STAG1: variants seen among roughly 807,000 people sequenced by gnomAD.
STAG1 encodes STAG1 cohesin complex component.
Under a neutral mutation model 170.9 loss-of-function variants are expected in STAG1, and 26 were observed. The observed-to-expected ratio is 0.15, with a 90% confidence interval of 0.11 to 0.21. The LOEUF is 0.21. STAG1 is among the 10% of genes least tolerant of loss of function. STAG1 has a pLI of 1.00. For synonymous variants in STAG1, 514 were observed against 497.7 expected, an observed-to-expected ratio of 1.03 and a Z score of -0.44; for missense variants, 964 against 1,509.5, an observed-to-expected ratio of 0.64 and a Z score of 5.99.
chr3:136,671,739 G>A (rs1459471748), intron 1 of STAG1, among the ~76,000 whole-genome samples: 1 of 152,064 alleles, frequency 6.6e-6, no homozygotes, highest in Non-Finnish European at 1.5e-5. Flanking sequence ...AACATTAGCT[G>A]GGCATGGTGG....
chr3:136,510,086 C>T (rs931318098), intron 7 of STAG1, among the ~76,000 whole-genome samples: 1 of 152,136 alleles, frequency 6.6e-6, no homozygotes, highest in African/African-American at 2.4e-5. Flanking sequence ...TCCACAAAGA[C>T]CTAAAAACAG....
chr3:136,377,594 T>C, intron 23 of STAG1, 66 bp downstream of exon 23: 1 of 1,348,252 alleles, frequency 7.4e-7, no homozygotes, highest in Non-Finnish European at 1.1e-6. Context: ...AAAAATTGTA[T>C]CTTCTTAATG....
intron 1 of STAG1, among the ~76,000 whole-genome samples, chr3:136,667,129 CAT>C (rs1421027152): frequency 1.2e-4 from 18 of 152,036 alleles, no homozygotes; most frequent in Non-Finnish European, 2.6e-4. Context: ...TAAGTATAAA[CAT>C]AAGCTTTAAC....
chr3:136,734,263 C>G (rs1934213822), intron 1 of STAG1, among the ~76,000 whole-genome samples: 1 of 152,076 alleles, frequency 6.6e-6, no homozygotes, highest in South Asian at 2.1e-4. Context: ...TAATCATGGT[C>G]AACTAAGCTT....
At chr3:136,369,347 G>A in intron 23 of STAG1, 65 bp from the exon 24 acceptor site, 1 of 1,290,146 alleles carries the variant, frequency 7.8e-7, no homozygotes, top group Non-Finnish European at 1.0e-6. Flanking sequence ...CAACATTAAT[G>A]AAAATGTATG....
chr3:136,533,173 T>C (rs907448628), intron 6 of STAG1, among the ~76,000 whole-genome samples: 3 of 151,624 alleles, frequency 2.0e-5, no homozygotes, highest in Non-Finnish European at 4.4e-5. Context: ...CTAGAAAAAA[T>C]AAAAGATCTA....
chr3:136,536,615 C>T (rs978310345), intron 6 of STAG1, among the ~76,000 whole-genome samples: 1 of 150,136 alleles, frequency 6.7e-6, no homozygotes, highest in East Asian at 2.0e-4. Context: ...GCACGAGAAT[C>T]GCTTCAACTC....
intron 16 of STAG1, among the ~76,000 whole-genome samples, chr3:136,427,752 A>T (rs1038296522): frequency 2.0e-5 from 3 of 152,086 alleles, no homozygotes; most frequent in African/African-American, 7.2e-5. Context: ...TTTATTTCAC[A>T]TTAGAAGTAC....
intron 4 of STAG1, among the ~76,000 whole-genome samples, chr3:136,584,884 T>C (rs934834833): frequency 6.6e-6 from 1 of 152,248 alleles, no homozygotes; most frequent in Non-Finnish European, 1.5e-5. Context: ...AGACTATACA[T>C]GCCAGATTAT....
At chr3:136,469,739 A>G (rs1369563246) in intron 12 of STAG1, among the ~76,000 whole-genome samples, 3 of 152,218 alleles carry the variant, frequency 2.0e-5, no homozygotes, top group African/African-American at 4.8e-5. Context: ...AAACTATACT[A>G]CAAGGCTACA....
intron 9 of STAG1, among the ~76,000 whole-genome samples, chr3:136,497,841 C>A (rs529383439): frequency 6.4e-4 from 89 of 138,902 alleles, no homozygotes; most frequent in African/African-American, 2.2e-3. Flanking sequence ...GGCAACAGAG[C>A]GAGACTCATC....
At chr3:136,727,330 G>C (rs1255342664) in intron 1 of STAG1, among the ~76,000 whole-genome samples, 1 of 152,138 alleles carries the variant, frequency 6.6e-6, no homozygotes, top group Non-Finnish European at 1.5e-5. Flanking sequence ...AAGTGAAGGG[G>C]AGGGGAGGAG....
intron 6 of STAG1, among the ~76,000 whole-genome samples, chr3:136,533,087 A>T (rs1272146986): frequency 6.6e-6 from 1 of 152,168 alleles, no homozygotes; most frequent in Non-Finnish European, 1.5e-5. Flanking sequence ...TTTTTTCAAC[A>T]TATAAAAATT....
chr3:136,598,939 A>G (rs768387463), intron 4 of STAG1, among the ~76,000 whole-genome samples: 3 of 152,080 alleles, frequency 2.0e-5, no homozygotes, highest in African/African-American at 4.8e-5. Context: ...TATCTTGCTC[A>G]CTCCTGAGAA....
At chr3:136,440,899 G>A (rs1177961738) in intron 15 of STAG1, among the ~76,000 whole-genome samples, 3 of 152,084 alleles carry the variant, frequency 2.0e-5, no homozygotes, top group African/African-American at 7.2e-5. Context: ...TGAGGTCGGA[G>A]GATTGCTTAA....
chr3:136,456,865 T>A (rs1257706191), intron 13 of STAG1, among the ~76,000 whole-genome samples: 3 of 152,114 alleles, frequency 2.0e-5, no homozygotes, highest in Admixed American at 1.3e-4. Context: ...ATATTCAAAG[T>A]TTTGAAGAAA....
At chr3:136,412,630 C>A (rs1437167630) in intron 21 of STAG1, among the ~76,000 whole-genome samples, 1 of 151,972 alleles carries the variant, frequency 6.6e-6, no homozygotes, top group African/African-American at 2.4e-5. Context: ...AGTAGTCCTG[C>A]CAAGAATGTG....
At chr3:136,571,539 A>C (rs1937265548) in intron 4 of STAG1, among the ~76,000 whole-genome samples, 1 of 152,070 alleles carries the variant, frequency 6.6e-6, no homozygotes, top group Non-Finnish European at 1.5e-5. Context: ...ACTGCACACC[A>C]GTCTGAGTGA....
intron 9 of STAG1, among the ~76,000 whole-genome samples, chr3:136,478,399 T>C (rs1353946657): frequency 6.6e-6 from 1 of 152,218 alleles, no homozygotes; most frequent in East Asian, 1.9e-4. Context: ...ACAAATACAA[T>C]GTTAACACTT....
Sources: gnomAD v4.1 joint callset for allele counts (sites outside exome capture counted in the v4.1 genomes callset) on GRCh38, gnomAD v4.1.1 for gene constraint, MANE v1.5 for transcripts, NCBI Gene and HGNC (gene_info 2026-07-23, HGNC 2026-07-21) for gene names.